Variants in SNW1 observed in about 807,000 individuals in gnomAD.
SNW1 encodes SNW domain-containing protein 1.
Under a neutral mutation model 75.6 loss-of-function variants are expected in SNW1, and 9 were observed. The observed-to-expected ratio is 0.12, with a 90% CI of 0.07 to 0.21. The LOEUF (loss-of-function observed/expected upper bound fraction) is 0.21. SNW1 is among the 10% of genes least tolerant of loss of function. The pLI is 1.00. For synonymous variants in SNW1, 200 were observed against 219.1 expected, an observed-to-expected ratio of 0.91 and a Z score of 0.77; for missense variants, 409 against 670.9, an observed-to-expected ratio of 0.61 and a Z score of 4.31.
At chr14:77,744,322 G>A (rs1276559943) in intron 3 of SNW1, among the ~76,000 whole-genome samples, 1 of 151,062 alleles carries the variant, frequency 6.6e-6, no homozygotes, top group Admixed American at 6.6e-5. Flanking sequence ...GGGCATGGTG[G>A]TGTGCGCCTG....
At chr14:77,734,097 C>T (rs1171431706) in intron 8 of SNW1, 1 of 212,174 alleles carries the variant, frequency 4.7e-6, no homozygotes, top group African/African-American at 2.3e-5. Context: ...CTTTATCCAT[C>T]AAAAATAAAA....
At chr14:77,729,735 T>C (rs938870056) in intron 10 of SNW1, among the ~76,000 whole-genome samples, 1 of 152,214 alleles carries the variant, frequency 6.6e-6, no homozygotes, top group Non-Finnish European at 1.5e-5. Flanking sequence ...GTTAATTAGC[T>C]TGGCAGTAGT....
intron 8 of SNW1, 60 bp downstream of exon 8, chr14:77,734,887 G>A: frequency 8.8e-7 from 1 of 1,132,562 alleles, no homozygotes; most frequent in Admixed American, 1.9e-5. Context: ...GGCTGTAGTT[G>A]TTTTACTGGT....
chr14:77,748,239 CCTAATCT>C lies in SNW1; in HGVS notation c.330+3073_330+3079del, dbSNP rs547602617. Among the ~76,000 whole-genome samples, 360 of 152,098 alleles carry C rather than the reference CCTAATCT, an allele frequency of 2.4e-3. 2 individuals are homozygous for C. Among genetic ancestry groups the C allele is most frequent in the African/African-American group, 8.2e-3 (342 of 41,510 alleles). ...TGCTTGTTAAGAGTCATCACCACTC[CCTAATCT>C]CAAGTACCCAGGGACACAAACACTG... is the stretch of plus-strand genomic sequence containing the variant. On this transcript the variant is annotated intron_variant, in intron 3 of 13. Coordinates refer to ENST00000261531, the MANE Select transcript of SNW1 (RefSeq NM_012245.3).
At chr14:77,749,392 A>C (rs1022914880) in intron 3 of SNW1, among the ~76,000 whole-genome samples, 27 of 152,326 alleles carry the variant, frequency 1.8e-4, no homozygotes, top group Non-Finnish European at 3.4e-4. Context: ...CAACTCCTGA[A>C]ACAAGCCTGA....
intron 1 of SNW1, among the ~76,000 whole-genome samples, chr14:77,760,398 G>T (rs1186048223): frequency 6.6e-6 from 1 of 152,204 alleles, no homozygotes; most frequent in Non-Finnish European, 1.5e-5. Flanking sequence ...AAATGGGGCA[G>T]CAAGGCTGGG....
chr14:77,723,335 G>T (rs1256208199), intron 10 of SNW1, 58 bp from the exon 11 acceptor site: 1 of 1,227,618 alleles, frequency 8.1e-7, no homozygotes, highest in Non-Finnish European at 1.2e-6. Flanking sequence ...GTGCATACGT[G>T]TACACGTGTG....
chr14:77,760,692 G>C (rs748288307), intron 1 of SNW1: 47 of 702,268 alleles, frequency 6.7e-5, no homozygotes, highest in Non-Finnish European at 1.1e-4. Flanking sequence ...AGCGAAAGGA[G>C]AGAGACCACC....
At chr14:77,725,759 A>G (rs1364936138) in intron 10 of SNW1, among the ~76,000 whole-genome samples, 1 of 152,114 alleles carries the variant, frequency 6.6e-6, no homozygotes, top group African/African-American at 2.4e-5. Flanking sequence ...CTCTAAAATA[A>G]CACAAAAATT....
At chr14:77,724,218 A>G (rs922044005) in intron 10 of SNW1, among the ~76,000 whole-genome samples, 29 of 152,210 alleles carry the variant, frequency 1.9e-4, no homozygotes, top group Non-Finnish European at 4.0e-4. Context: ...TATAATCATT[A>G]TACATATTTA....
chr14:77,757,892 T>C (rs1390926915), intron 1 of SNW1, among the ~76,000 whole-genome samples: 1 of 152,034 alleles, frequency 6.6e-6, no homozygotes, highest in Non-Finnish European at 1.5e-5. Context: ...ACATTGGCTA[T>C]TCCTTCTGCC....
chr14:77,734,566 C>T lies in SNW1; in HGVS notation c.774+381G>A, dbSNP rs146822242. On this transcript the variant is annotated intron_variant, in intron 8 of 13. Coordinates refer to ENST00000261531, the MANE Select transcript of SNW1 (RefSeq NM_012245.3). Reference sequence around the variant, plus strand: ...CAACCTGGCCAACAGGGTGAAACCCCGTTTCTACTAAAATACGAAAAATTA... The same window carrying T: ...CAACCTGGCCAACAGGGTGAAACCCTGTTTCTACTAAAATACGAAAAATTA... 3.4e-4 allele frequency among the ~76,000 whole-genome samples: 52 copies of T among 152,260 alleles called. No homozygotes were observed. The East Asian group carries it at 8.3e-3, about 24-fold the overall frequency.
intron 3 of SNW1, among the ~76,000 whole-genome samples, chr14:77,745,904 G>C: frequency 6.6e-6 from 1 of 151,622 alleles, no homozygotes; most frequent in East Asian, 1.9e-4. Context: ...TGCACCTGTA[G>C]TCCCAACTCC....
chr14:77,732,158 G>A (rs2080632622), intron 9 of SNW1, among the ~76,000 whole-genome samples: 1 of 152,040 alleles, frequency 6.6e-6, no homozygotes, highest in Non-Finnish European at 1.5e-5. Flanking sequence ...TGCCCTTTTG[G>A]GGGACATCTA....
chr14:77,748,500 G>C (rs2080782048), intron 3 of SNW1, among the ~76,000 whole-genome samples: 1 of 151,984 alleles, frequency 6.6e-6, no homozygotes, highest in Non-Finnish European at 1.5e-5. Context: ...GTTACCTCTG[G>C]GAAGTAAAGT....
intron 12 of SNW1, among the ~76,000 whole-genome samples, chr14:77,718,919 C>T (rs1236487671): frequency 6.6e-6 from 1 of 152,138 alleles, no homozygotes; most frequent in Admixed American, 6.5e-5. Flanking sequence ...CCATGTTGGC[C>T]AGGCTGGTCC....
At chr14:77,724,541 AC>A (rs2080569392) in intron 10 of SNW1, among the ~76,000 whole-genome samples, 1 of 152,126 alleles carries the variant, frequency 6.6e-6, no homozygotes, top group South Asian at 2.1e-4. Flanking sequence ...ACTGGTAACC[AC>A]CATTCTACTC....
chr14:77,738,720 AC>A, intron 5 of SNW1, 57 bp downstream of exon 5: 3 of 1,257,540 alleles, frequency 2.4e-6, no homozygotes, highest in South Asian at 1.2e-5. Flanking sequence ...GAATACCATG[AC>A]CCCCCAAGCT....
intron 1 of SNW1, among the ~76,000 whole-genome samples, chr14:77,757,959 T>TG (rs2080855301): frequency 8.6e-5 from 7 of 81,256 alleles, no homozygotes; most frequent in Non-Finnish European, 5.6e-5. Context: ...TCTATCGCAA[T>TG]CAATCAATCA....
Sources: allele counts gnomAD v4.1 joint callset (sites outside exome capture counted in the v4.1 genomes callset), GRCh38; gene constraint gnomAD v4.1.1; transcripts MANE v1.5; gene names NCBI Gene and HGNC (gene_info 2026-07-23, HGNC 2026-07-21).